The following CMKLR2 variants were observed in gnomAD, a reference collection of about 807,000 sequenced individuals.
CMKLR2 encodes the protein chemerin-like receptor 2.
Under a neutral mutation model 23.0 loss-of-function variants are expected in CMKLR2, and 18 were observed. The observed-to-expected ratio is 0.78, with a 90% confidence interval of 0.54 to 1.16. CMKLR2 has a LOEUF of 1.16. Among genes scored for constraint, CMKLR2 ranks in the 50% most tolerant of loss-of-function variants. The probability of loss-of-function intolerance (pLI) is 0.00; values close to 1 mark genes in which losing one functional copy is unlikely to be tolerated. For missense variants in CMKLR2, 401 were observed against 412.7 expected, an observed-to-expected ratio of 0.97 and a Z score of 0.25; for synonymous variants, 158 against 158.9, an observed-to-expected ratio of 0.99 and a Z score of 0.05.
intron 1 of CMKLR2, among the ~76,000 whole-genome samples, chr2:206,181,357 G>T (rs2061524744): frequency 6.6e-6 from 1 of 151,692 alleles, no homozygotes; most frequent in Non-Finnish European, 1.5e-5. Flanking sequence ...ACCATGCCTG[G>T]CCCTATTATT....
At chr2:206,179,886 A>G (rs1254151817) in intron 1 of CMKLR2, among the ~76,000 whole-genome samples, 3 of 152,166 alleles carry the variant, frequency 2.0e-5, no homozygotes, top group Non-Finnish European at 4.4e-5. Flanking sequence ...AAAGAGGTCA[A>G]AACATCCTGT....
intron 1 of CMKLR2, among the ~76,000 whole-genome samples, chr2:206,189,975 C>T (rs1345973516): frequency 2.0e-5 from 3 of 152,040 alleles, no homozygotes; most frequent in Non-Finnish European, 4.4e-5. Context: ...GGCACAGCAA[C>T]ACGTTAAAAA....
chr2:206,186,136 G>T (rs1332369872), intron 1 of CMKLR2, among the ~76,000 whole-genome samples: 1 of 140,438 alleles, frequency 7.1e-6, no homozygotes, highest in African/African-American at 2.6e-5. Context: ...TTTTTTGATG[G>T]AGTCTCACAC....
chr2:206,189,647 AAAAAGAAAAG>A, intron 1 of CMKLR2, among the ~76,000 whole-genome samples: 1 of 152,172 alleles, frequency 6.6e-6, no homozygotes, highest in East Asian at 1.9e-4. Context: ...AAGAAAAAAA[AAAAAGAAAAG>A]AAAAGAATGA....
In CMKLR2 at chr2:206,176,274, T is replaced by C. The variant is rs1273873581; in HGVS notation, c.974A>G (p.Tyr325Cys). Residue 325 changes from tyrosine to cysteine, a missense_variant, in exon 2 of 2, where the codon TAC (tyrosine) becomes TGC (cysteine). Transcript: ENST00000621141. ...AGAACAGCTGACTTCCCACAGTGTG[T>C]ACTTGAGTATCTCAGCAACTGAGGA... The part of the protein sequence containing the change: ...FRSSVAEILK[Y>C]TLWEVSCSGT... The C allele has an allele frequency of 6.2e-7, 1 of 1,614,186 alleles. No individual in the cohort carries two copies. Among genetic ancestry groups the C allele is most frequent in the Non-Finnish European group, 8.5e-7 (1 of 1,180,030 alleles).
chr2:206,212,801 C>T (rs1559101995), intron 1 of CMKLR2, among the ~76,000 whole-genome samples: 1 of 152,090 alleles, frequency 6.6e-6, no homozygotes, highest in Non-Finnish European at 1.5e-5. Context: ...GAGCCAGTGG[C>T]GGGGAGCTGC....
At chr2:206,184,759 TTTG>T (rs1688528191) in intron 1 of CMKLR2, among the ~76,000 whole-genome samples, 1 of 152,214 alleles carries the variant, frequency 6.6e-6, no homozygotes, top group Non-Finnish European at 1.5e-5. Flanking sequence ...TCAGCCAATA[TTTG>T]TTAATTGCTC....
chr2:206,177,283 A>G lies in CMKLR2; in HGVS notation c.-28-8T>C. ...AATGGAGAATGAAGAAATCTGTAGA[A>G]GCAAATTTAAAAAGAAAGAAAAAAT... On this transcript the variant is annotated splice_polypyrimidine_tract_variant and splice_region_variant and intron_variant, in intron 1 of 1. Transcript: ENST00000621141. 5 of 1,324,982 alleles carry G rather than the reference A, an allele frequency of 3.8e-6. No homozygotes were observed. The highest frequency in any genetic ancestry group is 5.2e-6 in the Non-Finnish European group (5 of 959,582). 82.1% of individuals were successfully genotyped at this position (1,324,982 alleles called of 1,614,324 possible).
chr2:206,188,180 C>T (rs984559388), intron 1 of CMKLR2, among the ~76,000 whole-genome samples: 20 of 152,082 alleles, frequency 1.3e-4, no homozygotes, highest in Non-Finnish European at 1.5e-5. Flanking sequence ...GTGCTCCATC[C>T]CCTTTGACCT....
chr2:206,191,129 C>G (rs925784711), intron 1 of CMKLR2, among the ~76,000 whole-genome samples: 1 of 152,224 alleles, frequency 6.6e-6, no homozygotes, highest in African/African-American at 2.4e-5. Flanking sequence ...TGCCTGCTCT[C>G]AAATCCCAGT....
chr2:206,182,119 G>C (rs1317078901), intron 1 of CMKLR2, among the ~76,000 whole-genome samples: 1 of 151,944 alleles, frequency 6.6e-6, no homozygotes, highest in Admixed American at 6.6e-5. Flanking sequence ...GGGGTGGTAG[G>C]GGCAGAGGGA....
At chr2:206,207,728 CTTTTTTTTTTTTTTTTTTT>C (rs71034423) in intron 1 of CMKLR2, among the ~76,000 whole-genome samples, 582 of 43,636 alleles carry the variant, frequency 0.013, 29 homozygotes, top group African/African-American at 0.067. Context: ...ACCTCAGGGC[CTTTTTTTTTTTTTTTTTTT>C]TTTTTTTTTT....
At chr2:206,200,507 G>C (rs903386230) in intron 1 of CMKLR2, among the ~76,000 whole-genome samples, 1 of 152,204 alleles carries the variant, frequency 6.6e-6, no homozygotes, top group African/African-American at 2.4e-5. Context: ...CAATACTTTA[G>C]ACAATTCAAA....
chr2:206,177,839 C>A (rs145988827), intron 1 of CMKLR2, among the ~76,000 whole-genome samples: 2 of 152,112 alleles, frequency 1.3e-5, no homozygotes, highest in Non-Finnish European at 2.9e-5. Context: ...AATGACTCTA[C>A]GGTTATAATT....
chr2:206,181,695 A>G (rs940441559), intron 1 of CMKLR2, among the ~76,000 whole-genome samples: 2 of 152,154 alleles, frequency 1.3e-5, no homozygotes, highest in Non-Finnish European at 2.9e-5. Flanking sequence ...GCTCACGCCT[A>G]TAATCCCAGC....
At chr2:206,207,751 TTTTTTTTTG>T (rs2105839036) in intron 1 of CMKLR2, among the ~76,000 whole-genome samples, 1 of 118,126 alleles carries the variant, frequency 8.5e-6, no homozygotes, top group Admixed American at 1.0e-4. Flanking sequence ...TTTTTTTTTT[TTTTTTTTTG>T]AGATGGAGTT....
intron 1 of CMKLR2, chr2:206,203,439 G>C (rs902024754): frequency 1.1e-4 from 16 of 152,028 alleles, no homozygotes; most frequent in African/African-American, 3.9e-4. Flanking sequence ...TCCAGGGGAG[G>C]ACTGGGGGCT....
At chr2:206,210,038 A>C (rs1689493327) in intron 1 of CMKLR2, among the ~76,000 whole-genome samples, 1 of 147,534 alleles carries the variant, frequency 6.8e-6, no homozygotes, top group Admixed American at 6.9e-5. Flanking sequence ...ATCTCGGCTC[A>C]CTGCAACCTC....
chr2:206,185,781 A>G (rs1688558630), intron 1 of CMKLR2, among the ~76,000 whole-genome samples: 1 of 152,168 alleles, frequency 6.6e-6, no homozygotes, highest in South Asian at 2.1e-4. Context: ...GATTCTAGGT[A>G]TATTTTGTAG....
Sources: allele counts gnomAD v4.1 joint callset (sites outside exome capture counted in the v4.1 genomes callset), GRCh38; gene constraint gnomAD v4.1.1; transcripts MANE v1.5; gene names NCBI Gene and HGNC (gene_info 2026-07-23, HGNC 2026-07-21).